Variants in COL4A5 observed in about 807,000 individuals in gnomAD.
COL4A5 encodes the protein collagen type IV alpha 5 chain.
In COL4A5, 26 loss-of-function variants were observed where a neutral mutation model predicts 130.2. That is an observed-to-expected ratio of 0.20 (90% CI 0.15 to 0.28). COL4A5 has a LOEUF of 0.28. COL4A5 is among the 10% of genes least tolerant of loss of function. The pLI is 1.00. For synonymous variants in COL4A5, 496 were observed against 439.6 expected, an observed-to-expected ratio of 1.13 and a Z score of -1.60; for missense variants, 1,131 against 1,344.3, an observed-to-expected ratio of 0.84 and a Z score of 2.48.
intron 1 of COL4A5, among the ~76,000 whole-genome samples, chrX:108,505,825 A>G (rs1276180938): frequency 1.8e-5 from 2 of 112,335 alleles, no homozygotes; most frequent in East Asian, 5.6e-4. Flanking sequence ...TTAAAAAGAG[A>G]TAGTTTCCCC....
rs750993623 is a variant in COL4A5 at position 108,687,682 on chromosome X, G to T, written c.4516G>T (p.Gly1506Cys). ...TGTACAAGGAAATAAAAGAGCCCAC[G>T]GTCAAGACTTGGGTGAGATAATCAA... The part of the protein sequence containing the change: ...LYVQGNKRAH[G>C]QDLGTAGSCL... The change falls in exon 49 of 53, where the codon GGT becomes TGT. Residue 1506 changes from glycine to cysteine, a missense_variant. Physicochemically the swap from Gly to Cys is radical, Grantham distance 159. Transcript: ENST00000328300. 19 of 1,204,915 alleles carry T rather than the reference G, an allele frequency of 1.6e-5. No individual in the cohort carries two copies. The highest frequency in any genetic ancestry group is 2.1e-5 in the Non-Finnish European group (19 of 890,965).
chrX:108,581,967 T>C (rs2066257968), intron 16 of COL4A5, among the ~76,000 whole-genome samples: 1 of 110,590 alleles, frequency 9.0e-6, no homozygotes, highest in Non-Finnish European at 1.9e-5. Context: ...AAATAAAATA[T>C]GTAAGTCCAA....
intron 36 of COL4A5, among the ~76,000 whole-genome samples, chrX:108,631,510 C>T (rs1244622912): frequency 9.0e-6 from 1 of 111,045 alleles, no homozygotes; most frequent in Admixed American, 9.7e-5. Context: ...ACTCTTCACC[C>T]CAATCAACAG....
chrX:108,587,481 T>C (rs1414600228), intron 19 of COL4A5, among the ~76,000 whole-genome samples: 1 of 112,327 alleles, frequency 8.9e-6, no homozygotes, highest in Non-Finnish European at 1.9e-5. Context: ...TAATATTCCA[T>C]TGTGTATTTA....
At chrX:108,627,549 A>G in intron 36 of COL4A5, 3 of 683,507 alleles carry the variant, frequency 4.4e-6, no homozygotes, top group Non-Finnish European at 5.2e-6. Flanking sequence ...ATCTGTGGAC[A>G]TATATGTAGT....
At chrX:108,573,250 T>A (rs753043844) in intron 8 of COL4A5, among the ~76,000 whole-genome samples, 11 of 111,074 alleles carry the variant, frequency 9.9e-5, no homozygotes, top group Middle Eastern at 4.3e-3. Context: ...GTTAGCTTTA[T>A]GAGAACAGAG....
chrX:108,694,425 C>T (rs894278278), intron 50 of COL4A5: 3 of 205,071 alleles, frequency 1.5e-5, no homozygotes, highest in Admixed American at 6.8e-5. Context: ...TTGTTCTTAC[C>T]ACAGTTTCAG....
At chrX:108,627,200 C>A in intron 36 of COL4A5, 4 of 616,071 alleles carry the variant, frequency 6.5e-6, no homozygotes, top group Non-Finnish European at 7.8e-6. Context: ...TTAATTTTCT[C>A]TGTTATATTT....
intron 44 of COL4A5, 58 bp downstream of exon 44, chrX:108,677,691 T>C: frequency 8.7e-7 from 1 of 1,149,878 alleles, no homozygotes; most frequent in South Asian, 1.8e-5. Flanking sequence ...GTATTCAAAA[T>C]GTGAATTCTA....
chrX:108,656,459 A>G (rs770599830), intron 37 of COL4A5, among the ~76,000 whole-genome samples: 1 of 112,228 alleles, frequency 8.9e-6, no homozygotes, highest in South Asian at 3.7e-4. Context: ...TAAAAATGCT[A>G]TTAACATTCT....
chrX:108,569,100 G>A (rs1173972279), intron 6 of COL4A5: 3 of 252,132 alleles, frequency 1.2e-5, no homozygotes, highest in African/African-American at 8.3e-5. Context: ...AACGAAATTA[G>A]GATATATATG....
chrX:108,564,943 C>T (rs1221853642), intron 4 of COL4A5, among the ~76,000 whole-genome samples: 1 of 110,869 alleles, frequency 9.0e-6, no homozygotes, highest in East Asian at 2.8e-4. Flanking sequence ...AGGGAAGAAA[C>T]TTAAAACCCT....
intron 49 of COL4A5, among the ~76,000 whole-genome samples, chrX:108,691,686 G>GA (rs1292845519): frequency 1.9e-4 from 21 of 111,308 alleles, no homozygotes; most frequent in African/African-American, 6.5e-4. Context: ...GTTACATTAG[G>GA]AAAAAACTGT....
intron 1 of COL4A5, among the ~76,000 whole-genome samples, chrX:108,470,934 T>G (rs2064762057): frequency 8.9e-6 from 1 of 111,813 alleles, no homozygotes; most frequent in Non-Finnish European, 1.9e-5. Flanking sequence ...TTGCTGAGTT[T>G]GTCGAAGATC....
At chrX:108,539,080 A>G (rs964811165) in intron 1 of COL4A5, among the ~76,000 whole-genome samples, 10 of 111,856 alleles carry the variant, frequency 8.9e-5, no homozygotes, top group African/African-American at 3.2e-4. Flanking sequence ...TTGCTCATGA[A>G]TGGAGAGAAA....
chrX:108,556,079 G>GGTAGT (rs1308692893), intron 2 of COL4A5, among the ~76,000 whole-genome samples: 1 of 111,467 alleles, frequency 9.0e-6, no homozygotes, highest in African/African-American at 3.3e-5. Flanking sequence ...TTCTGGCTGG[G>GGTAGT]GTAGTTGGGT....
At chrX:108,495,506 C>T (rs1285199985) in intron 1 of COL4A5, among the ~76,000 whole-genome samples, 1 of 110,814 alleles carries the variant, frequency 9.0e-6, no homozygotes, top group African/African-American at 3.3e-5. Context: ...TTCAATAAAA[C>T]CCCCCCAAAT....
chrX:108,488,377 A>G (rs755965366), intron 1 of COL4A5, among the ~76,000 whole-genome samples: 2 of 112,874 alleles, frequency 1.8e-5, no homozygotes, highest in Non-Finnish European at 3.7e-5. Context: ...GTCTTTTGCT[A>G]TTGCATTTCT....
At chrX:108,625,821 T>G (rs2067143018) in intron 35 of COL4A5, 27 bp downstream of exon 35, 1 of 1,048,036 alleles carries the variant, frequency 9.5e-7, no homozygotes, top group African/African-American at 1.8e-5. Flanking sequence ...TTCCAAATAT[T>G]TAGTCCCATT....
Sources: allele counts gnomAD v4.1 joint callset (sites outside exome capture counted in the v4.1 genomes callset), GRCh38; gene constraint gnomAD v4.1.1; transcripts MANE v1.5; gene names NCBI Gene and HGNC (gene_info 2026-07-23, HGNC 2026-07-21).